MEGF6: variants seen among roughly 807,000 people sequenced by gnomAD.
MEGF6 encodes the protein multiple EGF like domains 6, also known as multiple epidermal growth factor-like domains protein 6.
Under a neutral mutation model 207.1 loss-of-function variants are expected in MEGF6, and 184 were observed. The observed-to-expected ratio is 0.89, with a 90% CI of 0.79 to 1.00. The LOEUF is 1.00. MEGF6 is among the 50% of genes least tolerant of loss of function. MEGF6 has a pLI of 0.00. For synonymous variants in MEGF6, 1,038 were observed against 910.0 expected (o/e 1.14, Z -2.53); for missense variants, 2,282 against 2,202.9 (o/e 1.04, Z -0.72).
chr1:3,561,878 G>C (rs756228082), intron 4 of MEGF6, among the ~76,000 whole-genome samples: 1 of 152,238 alleles, frequency 6.6e-6, no homozygotes, highest in South Asian at 2.1e-4. Context: ...GGGGCTTTTC[G>C]TTCCCATTTG....
chr1:3,506,101 G>C lies in MEGF6; in HGVS notation c.1918+7C>G, dbSNP rs887961836. The C allele has an allele frequency of 1.9e-6, 3 of 1,585,692 alleles. No individual in the cohort carries two copies. The African/African-American group carries it at 4.0e-5, about 21-fold the overall frequency. The stretch of plus-strand genomic sequence containing the variant: ...CCATGGACACTGGAAGGGGCAGTGA[G>C]ACTCACTGAGGTGGCAGAAGCGGCC... On this transcript the variant is annotated splice_region_variant and intron_variant, in intron 15 of 36. Transcript: ENST00000356575.
intron 2 of MEGF6, among the ~76,000 whole-genome samples, chr1:3,598,338 A>G (rs1422962827): frequency 1.3e-5 from 2 of 152,178 alleles, no homozygotes; most frequent in Admixed American, 6.5e-5. Flanking sequence ...CGCTTCCCGG[A>G]AGCACGTGCT....
chr1:3,605,264 ACT>A (rs1394108111), intron 1 of MEGF6, among the ~76,000 whole-genome samples: 77 of 151,786 alleles, frequency 5.1e-4, no homozygotes, highest in Admixed American at 7.2e-4. Flanking sequence ...ACTCACACAT[ACT>A]CTCACACCCA....
chr1:3,583,153 A>T (rs1272892937), intron 3 of MEGF6, among the ~76,000 whole-genome samples: 1 of 152,178 alleles, frequency 6.6e-6, no homozygotes, highest in Non-Finnish European at 1.5e-5. Flanking sequence ...GAAAAATACT[A>T]CGAGGCTCTA....
chr1:3,509,179 G>A lies in MEGF6; in HGVS notation c.1424C>T (p.Ala475Val), dbSNP rs866521459. The A allele has an allele frequency of 6.3e-7, 1 of 1,577,670 alleles. No homozygotes were observed. The highest frequency in any genetic ancestry group is 8.6e-7 in the Non-Finnish European group (1 of 1,162,400). ...LPFVRPLPHI[A>V]VLQDELPQLF... ...TTGCGGCAGCTCGTCCTGGAGCACGGCAATGTGGGGCAGGGGCCGCACGAA... is the reference window on the plus strand; with the variant it reads ...TTGCGGCAGCTCGTCCTGGAGCACGACAATGTGGGGCAGGGGCCGCACGAA... The change falls in exon 12 of 37, where the codon GCC becomes GTC. Residue 475 changes from alanine (A) to valine (V), a missense_variant. Physicochemically the swap from Ala to Val is moderately conservative, Grantham distance 64. Transcript: ENST00000356575.
chr1:3,493,494 C>G (rs1446589836), intron 34 of MEGF6: 1 of 522,236 alleles, frequency 1.9e-6, no homozygotes. Context: ...GTCTTTCCAC[C>G]CAACCAGAGC....
chr1:3,491,730 G>A (rs1192078318), intron 35 of MEGF6, among the ~76,000 whole-genome samples: 1 of 141,762 alleles, frequency 7.1e-6, no homozygotes, highest in Non-Finnish European at 1.5e-5. Context: ...TCCCTCTGCA[G>A]AGACAACCTT....
intron 4 of MEGF6, among the ~76,000 whole-genome samples, chr1:3,528,622 C>T (rs936468398): frequency 1.6e-4 from 24 of 152,054 alleles, no homozygotes; most frequent in Admixed American, 1.2e-3. Flanking sequence ...AAGAGGGAGG[C>T]AGGAGGGTCA....
chr1:3,616,503 T>A (rs1047359246), upstream of MEGF6, among the ~76,000 whole-genome samples: 4 of 152,232 alleles, frequency 2.6e-5, no homozygotes, highest in South Asian at 8.3e-4. Context: ...CAGTGTGAGA[T>A]GACCACAAAA....
In MEGF6 at chr1:3,595,652, C is replaced by T. The variant is rs182813113; in HGVS notation, c.267-205G>A. The stretch of plus-strand genomic sequence containing the variant: ...GGGGGCAGCATGGAGGCAGCAGGGG[C>T]CATGCTGGAGCCAGCGACAGTGGCC... On this transcript the variant is annotated intron_variant, in intron 2 of 36. Transcript: ENST00000356575. Among the ~76,000 whole-genome samples, 212 of 152,288 alleles carry T rather than the reference C, an allele frequency of 1.4e-3. 3 individuals are homozygous for T. Among genetic ancestry groups the T allele is most frequent in the Middle Eastern group, 6.8e-3 (2 of 294 alleles).
At chr1:3,490,641 G>A (rs775825951) in intron 36 of MEGF6, 52 bp from the exon 37 acceptor site, 2 of 1,587,202 alleles carry the variant, frequency 1.3e-6, no homozygotes, top group East Asian at 2.3e-5. Flanking sequence ...GGTGCTCCCA[G>A]AACAGACTGG....
intron 3 of MEGF6, among the ~76,000 whole-genome samples, chr1:3,593,806 C>T (rs75883047): frequency 0.023 from 3,475 of 151,682 alleles, 73 homozygotes; most frequent in South Asian, 0.091. Flanking sequence ...GCTGGGACCC[C>T]CTCCGAGGGG....
chr1:3,582,251 A>C (rs1197958980), intron 3 of MEGF6, among the ~76,000 whole-genome samples: 2 of 152,220 alleles, frequency 1.3e-5, no homozygotes. Context: ...GGGAGGGTAC[A>C]GCCACAAGAT....
intron 4 of MEGF6, among the ~76,000 whole-genome samples, chr1:3,537,209 A>G (rs1642360017): frequency 6.6e-6 from 1 of 152,232 alleles, no homozygotes; most frequent in Admixed American, 6.5e-5. Flanking sequence ...CCCAGTGCCC[A>G]GCCCAGTCTA....
chr1:3,565,692 G>A lies in MEGF6; in HGVS notation c.481+14133C>T, dbSNP rs1235810510. On this transcript the variant is annotated intron_variant, in intron 4 of 36. Coordinates refer to ENST00000356575, the MANE Select transcript of MEGF6 (RefSeq NM_001409.4). This position sits in a 1 kb window ranked among gnomAD's most constrained non-coding sequence, Gnocchi z 4.8. Reference sequence around the variant, plus strand: ...GGGCTGTCCAGGATTCCCTGTCCCAGGGGTTCAGGGGCCTGTGTGTGCCAA... The same window carrying A: ...GGGCTGTCCAGGATTCCCTGTCCCAAGGGTTCAGGGGCCTGTGTGTGCCAA... Among the ~76,000 whole-genome samples, 1 of 152,176 alleles carries A rather than the reference G, an allele frequency of 6.6e-6. No homozygotes were observed. The highest frequency in any genetic ancestry group is 1.5e-5 in the Non-Finnish European group (1 of 68,008).
chr1:3,492,826 A>C, intron 34 of MEGF6, 59 bp from the exon 35 acceptor site: 1 of 1,577,056 alleles, frequency 6.3e-7, no homozygotes, highest in Non-Finnish European at 8.7e-7. Context: ...TCCCCGCGCC[A>C]AGGAGCCTGG....
In MEGF6 at chr1:3,500,689, G is replaced by C; in HGVS notation, c.2651C>G (p.Ala884Gly). The change falls in exon 21 of 37, where the codon GCC becomes GGC. Residue 884 changes from alanine (A) to glycine (G), a missense_variant. Ala to Gly is a moderately conservative substitution (Grantham distance 60). Coordinates refer to ENST00000356575, the MANE Select transcript of MEGF6 (RefSeq NM_001409.4). ...NCSAGHGSCDAISGLCLCEAG... is the reference protein window; with the variant it reads ...NCSAGHGSCDGISGLCLCEAG... ...CTCACACAGACACAGGCCGCTGATG[G>C]CATCACAGCTCCCGTGGCCAGCGCT... is the stretch of plus-strand genomic sequence containing the variant. The C allele has an allele frequency of 6.3e-7, 1 of 1,580,936 alleles. No homozygotes were observed. The highest frequency in any genetic ancestry group is 8.6e-7 in the Non-Finnish European group (1 of 1,163,812).
chr1:3,611,626 C>T (rs1644328810), upstream of MEGF6: 1 of 175,026 alleles, frequency 5.7e-6, no homozygotes, highest in Non-Finnish European at 1.2e-5. Context: ...CCCCTTCCCC[C>T]TCCCCATCTC....
chr1:3,506,290 T>G (rs1249636851), intron 14 of MEGF6, 54 bp from the exon 15 acceptor site: 4 of 1,586,688 alleles, frequency 2.5e-6, no homozygotes, highest in South Asian at 1.1e-5. Flanking sequence ...CTACCACATG[T>G]GGTCCCCCCA....
Sources: allele counts gnomAD v4.1 joint callset (sites outside exome capture counted in the v4.1 genomes callset), GRCh38; gene constraint gnomAD v4.1.1; non-coding constraint Gnocchi (gnomAD v3.1); transcripts MANE v1.5; gene names NCBI Gene and HGNC (gene_info 2026-07-23, HGNC 2026-07-21).